PTCHD4: variants seen among roughly 807,000 people sequenced by gnomAD.
PTCHD4 encodes patched domain-containing protein 4.
Under a neutral mutation model 58.1 loss-of-function variants are expected in PTCHD4, and 33 were observed. That is an observed-to-expected ratio of 0.57 (90% confidence interval 0.43 to 0.76). The LOEUF is 0.76. Ranked by LOEUF, PTCHD4 falls within the 30% of genes least tolerant of loss-of-function variation. The probability of loss-of-function intolerance (pLI) is 0.00; values close to 1 mark genes in which losing one functional copy is unlikely to be tolerated. For synonymous variants in PTCHD4, 478 were observed against 409.6 expected, an observed-to-expected ratio of 1.17 and a Z score of -2.02; for missense variants, 1,058 against 1,027.1, an observed-to-expected ratio of 1.03 and a Z score of -0.41.
intron 4 of PTCHD4, among the ~76,000 whole-genome samples, chr6:47,958,734 C>T (rs1766966606): frequency 6.6e-6 from 1 of 152,102 alleles, no homozygotes; most frequent in African/African-American, 2.4e-5. Context: ...CCCTAAATTA[C>T]AGGGGAAGAA....
chr6:47,928,658 T>A (rs1262835083), intron 4 of PTCHD4, among the ~76,000 whole-genome samples: 1 of 152,252 alleles, frequency 6.6e-6, no homozygotes, highest in African/African-American at 2.4e-5. Context: ...TATAGCTATA[T>A]GCTATTGTAT....
intron 1 of PTCHD4, among the ~76,000 whole-genome samples, chr6:48,091,678 G>A (rs181942122): frequency 1.1e-3 from 143 of 128,602 alleles, no homozygotes; most frequent in Non-Finnish European, 1.9e-3. Context: ...ATGGAGTCTC[G>A]CTTTGTTGCC....
intron 3 of PTCHD4, among the ~76,000 whole-genome samples, chr6:48,048,996 T>A (rs1050994258): frequency 6.6e-6 from 1 of 151,938 alleles, no homozygotes; most frequent in African/African-American, 2.4e-5. Context: ...TTGACAACAT[T>A]CACTGTGAGG....
intron 4 of PTCHD4, among the ~76,000 whole-genome samples, chr6:47,967,781 TTTC>T (rs1378237986): frequency 6.6e-6 from 1 of 152,228 alleles, no homozygotes; most frequent in Non-Finnish European, 1.5e-5. Context: ...GCTTCAAACT[TTTC>T]TTCACAGCTT....
rs542020565 is a variant in PTCHD4, at chr6:48,036,024, C to T, written c.418-26910G>A. Among the ~76,000 whole-genome samples, 4 of 152,062 alleles carry T rather than the reference C, an allele frequency of 2.6e-5. No individual in the cohort carries two copies. The East Asian group carries it at 7.7e-4, about 29-fold the overall frequency. On this transcript the variant is annotated intron_variant, in intron 3 of 4. Coordinates refer to ENST00000339488, the MANE Select transcript of PTCHD4 (RefSeq NM_001384253.1). ...ATTCTTTAATGGTGTCATTGAATAA[C>T]ATTTTTTTTTTAACAGATACACCCT...
At chr6:48,031,981 A>AG (rs773397637) in intron 3 of PTCHD4, among the ~76,000 whole-genome samples, 2 of 152,096 alleles carry the variant, frequency 1.3e-5, no homozygotes, top group Non-Finnish European at 2.9e-5. Flanking sequence ...TCAACATTTG[A>AG]GATGAAGGAT....
intron 4 of PTCHD4, among the ~76,000 whole-genome samples, chr6:47,957,978 A>G (rs564198434): frequency 1.3e-5 from 2 of 152,322 alleles, no homozygotes; most frequent in Non-Finnish European, 2.9e-5. Flanking sequence ...AAGAAAATCA[A>G]TTCCACATTA....
intron 1 of PTCHD4, among the ~76,000 whole-genome samples, chr6:48,110,649 A>C (rs947696228): frequency 7.9e-5 from 12 of 151,374 alleles, no homozygotes; most frequent in Admixed American, 7.9e-4. Flanking sequence ...ACACACACAC[A>C]CACACACACA....
intron 1 of PTCHD4, among the ~76,000 whole-genome samples, chr6:48,093,686 A>T (rs1195557555): frequency 2.6e-5 from 4 of 152,106 alleles, no homozygotes; most frequent in Non-Finnish European, 2.9e-5. Flanking sequence ...CTCTTACTAC[A>T]TTGTCACCCC....
At position 48,054,711 on chromosome 6, in the gene PTCHD4, A is replaced by G. The variant is rs147231591; in HGVS notation, c.417+13519T>C. Among the ~76,000 whole-genome samples, 477 of 152,318 alleles carry G rather than the reference A, an allele frequency of 3.1e-3. 3 individuals carry two copies. Among genetic ancestry groups the G allele is most frequent in the African/African-American group, 0.011 (444 of 41,568 alleles). On this transcript the variant is annotated intron_variant, in intron 3 of 4. Transcript: ENST00000339488. ...ATGATTATAAATATGCTTATGATAA[A>G]AAAATAAAAATAAATAGGATAAAAA... is the stretch of plus-strand genomic sequence containing the variant.
At chr6:48,009,568 C>T (rs1245063650) in intron 3 of PTCHD4, among the ~76,000 whole-genome samples, 1 of 152,138 alleles carries the variant, frequency 6.6e-6, no homozygotes, top group Non-Finnish European at 1.5e-5. Context: ...TTCTAGGGTT[C>T]ATTCATATAC....
At chr6:47,921,433 T>G (rs1313041078) in intron 4 of PTCHD4, among the ~76,000 whole-genome samples, 1 of 152,184 alleles carries the variant, frequency 6.6e-6, no homozygotes, top group African/African-American at 2.4e-5. Flanking sequence ...CAAATATCCA[T>G]TTTCTCCCTC....
chr6:48,070,987 A>G (rs959645350), intron 1 of PTCHD4, among the ~76,000 whole-genome samples: 4 of 152,172 alleles, frequency 2.6e-5, no homozygotes, highest in Admixed American at 6.5e-5. Context: ...TTAGAAATGG[A>G]CATTGTTGCA....
At position 47,864,315 on chromosome 6, in the gene PTCHD4, T is replaced by C. The variant is rs865876391; in HGVS notation, c.*13988A>G. Reference sequence around the variant, plus strand: ...GCCCATTATTTTTGAGATATATATATACACACACACACACATATATATATA... The same window carrying C: ...GCCCATTATTTTTGAGATATATATACACACACACACACACATATATATATA... On this transcript the variant is annotated 3_prime_UTR_variant, in exon 5 of 5. Coordinates refer to ENST00000339488, the MANE Select transcript of PTCHD4 (RefSeq NM_001384253.1). Among the ~76,000 whole-genome samples, 26 of 148,898 alleles carry C rather than the reference T, an allele frequency of 1.7e-4. No homozygotes were observed. The highest frequency in any genetic ancestry group is 3.4e-3 in the Middle Eastern group (1 of 292).
intron 3 of PTCHD4, among the ~76,000 whole-genome samples, chr6:48,023,361 A>C (rs576748126): frequency 6.6e-6 from 1 of 152,302 alleles, no homozygotes; most frequent in South Asian, 2.1e-4. Flanking sequence ...CAATTGATTT[A>C]CTTAGATTTT....
Position 47,861,855 on chromosome 6 carries a change from CTTA to C in PTCHD4, c.*16445_*16447del, listed in dbSNP as rs1763434824. Among the ~76,000 whole-genome samples, 1 of 151,872 alleles carries C rather than the reference CTTA, an allele frequency of 6.6e-6. No homozygotes were observed. Among genetic ancestry groups the C allele is most frequent in the Non-Finnish European group, 1.5e-5 (1 of 67,884 alleles). On this transcript the variant is annotated 3_prime_UTR_variant, in exon 5 of 5. Coordinates refer to ENST00000339488, the MANE Select transcript of PTCHD4 (RefSeq NM_001384253.1). ...TACATCACTTGGCACATTATAGGTTCTTAATCCATGTTTGTTGGATGGATTAAT... is the reference window on the plus strand; with the variant it reads ...TACATCACTTGGCACATTATAGGTTCATCCATGTTTGTTGGATGGATTAAT...
Position 48,068,610 on chromosome 6 carries a change from A to C in PTCHD4, c.37T>G (p.Trp13Gly), listed in dbSNP as rs1764889087. Residue 13 changes from tryptophan to glycine, a missense_variant, in exon 3 of 5, where the codon TGG (tryptophan) becomes GGG (glycine). By Grantham distance (184) the Trp-to-Gly change is radical. Transcript: ENST00000339488. This position sits in a 1 kb window ranked among gnomAD's most constrained non-coding sequence, Gnocchi z 4.2. ...RPGAPASWIW[W>G]RMLRQVLRRG... ...CGAAGCACCTGCCGCAGCATCCTCC[A>C]CCAGATCCAGCTCGCAGGCGCTCCC... 1 of 1,573,378 alleles carries C rather than the reference A, an allele frequency of 6.4e-7. No homozygotes were observed. The highest frequency in any genetic ancestry group is 1.1e-5 in the South Asian group (1 of 87,234).
At chr6:48,094,952 A>T (rs571992951) in intron 1 of PTCHD4, among the ~76,000 whole-genome samples, 2 of 152,342 alleles carry the variant, frequency 1.3e-5, no homozygotes, top group Admixed American at 6.5e-5. Flanking sequence ...TAGAAAAAGC[A>T]AAATAATAGG....
intron 4 of PTCHD4, among the ~76,000 whole-genome samples, chr6:47,886,457 G>A (rs909675697): frequency 2.0e-5 from 3 of 151,844 alleles, no homozygotes; most frequent in Admixed American, 1.3e-4. Context: ...GCTTGACACC[G>A]ATATGAGAGA....
Sources: allele counts gnomAD v4.1 joint callset (sites outside exome capture counted in the v4.1 genomes callset), GRCh38; gene constraint gnomAD v4.1.1; non-coding constraint Gnocchi (gnomAD v3.1); transcripts MANE v1.5; gene names NCBI Gene and HGNC (gene_info 2026-07-23, HGNC 2026-07-21).